Variants in SNX7 observed in about 807,000 individuals in gnomAD.
SNX7 encodes the protein sorting nexin 7, also known as sorting nexin-7.
In SNX7, 35 loss-of-function variants were observed where a neutral mutation model predicts 48.4. That is an observed-to-expected ratio of 0.72 (90% confidence interval 0.55 to 0.96). The LOEUF is 0.96. Among genes scored for constraint, SNX7 ranks in the 40% least tolerant of loss-of-function variants. The pLI is 0.00. For missense variants in SNX7, 553 were observed against 548.9 expected, an observed-to-expected ratio of 1.01 and a Z score of -0.07; for synonymous variants, 190 against 190.2, an observed-to-expected ratio of 1.00 and a Z score of 0.01.
chr1:98,676,310 T>C (rs1374894949), intron 1 of SNX7, among the ~76,000 whole-genome samples: 1 of 152,184 alleles, frequency 6.6e-6, no homozygotes, highest in Non-Finnish European at 1.5e-5. Flanking sequence ...CATTATACCC[T>C]CCCATAGAGA....
chr1:98,719,358 G>T (rs969880297), intron 7 of SNX7, among the ~76,000 whole-genome samples: 3 of 152,100 alleles, frequency 2.0e-5, no homozygotes, highest in African/African-American at 7.2e-5. Context: ...TCCACCCGCA[G>T]TCTTGTTAAG....
At chr1:98,692,924 T>C (rs1651226713) in intron 4 of SNX7, among the ~76,000 whole-genome samples, 1 of 152,214 alleles carries the variant, frequency 6.6e-6, no homozygotes, top group Non-Finnish European at 1.5e-5. Flanking sequence ...ATACATTTTG[T>C]GGATTCATGA....
rs1166083569 is a variant in SNX7, at chr1:98,695,530, C to G, written c.652C>G (p.His218Asp). ...TTTTTGTTTCTAGGAACTCTCTTCT[C>G]ACAAGAAGCAAGGTCCTGGCTTGCT... Reference protein sequence around the residue: ...LTAQAWELSSHKKQGPGLLSR... With the variant: ...LTAQAWELSSDKKQGPGLLSR... The change falls in exon 5 of 9, where the codon CAC becomes GAC. Residue 218 changes from histidine to aspartate, a missense_variant. His to Asp is a moderately conservative substitution (Grantham distance 81, BLOSUM62 -1). Coordinates refer to ENST00000306121, the MANE Select transcript of SNX7 (RefSeq NM_015976.5). The G allele has an allele frequency of 2.0e-5, 32 of 1,613,558 alleles. No homozygotes were observed. Among genetic ancestry groups the G allele is most frequent in the Non-Finnish European group, 2.6e-5 (31 of 1,179,888 alleles).
intron 1 of SNX7, among the ~76,000 whole-genome samples, chr1:98,683,503 A>G (rs937176174): frequency 1.3e-5 from 2 of 151,992 alleles, no homozygotes; most frequent in Admixed American, 6.6e-5. Context: ...TGGTGATTAG[A>G]TCATGAGCGT....
chr1:98,704,229 C>A (rs925750488), intron 7 of SNX7, among the ~76,000 whole-genome samples: 3 of 152,106 alleles, frequency 2.0e-5, no homozygotes, highest in Admixed American at 6.6e-5. Flanking sequence ...GTTTAATACC[C>A]ATGTAGCTGC....
chr1:98,692,255 GA>G (rs1651181820), intron 4 of SNX7, among the ~76,000 whole-genome samples: 1 of 151,974 alleles, frequency 6.6e-6, no homozygotes, highest in African/African-American at 2.4e-5. Flanking sequence ...GTAACCTAGA[GA>G]AAAGAAAATG....
In SNX7 at chr1:98,685,042, T is replaced by C. The variant is rs199755407; in HGVS notation, c.338T>C (p.Phe113Ser). ...AGTCATGTTACTACAATAGAAACTT[T>C]CATTACGTATAGGATTATTACTAAG... Reference protein sequence around the residue: ...PESHVTTIETFITYRIITKTS... With the variant: ...PESHVTTIETSITYRIITKTS... The change falls in exon 2 of 9, where the codon TTC becomes TCC. Residue 113 changes from phenylalanine to serine, a missense_variant. Phe to Ser is a radical substitution (Grantham distance 155, BLOSUM62 -2). Coordinates refer to ENST00000306121, the MANE Select transcript of SNX7 (RefSeq NM_015976.5). 3.8e-6 allele frequency: 6 copies of C among 1,563,790 alleles called. No homozygotes were observed. The highest frequency in any genetic ancestry group is 3.6e-5 in the Admixed American group (2 of 55,822).
chr1:98,722,129 G>A (rs957037163), intron 7 of SNX7, among the ~76,000 whole-genome samples: 33 of 152,078 alleles, frequency 2.2e-4, no homozygotes, highest in African/African-American at 7.5e-4. Context: ...GAAACGTGAT[G>A]CGTTAACTAC....
intron 2 of SNX7, among the ~76,000 whole-genome samples, chr1:98,686,628 G>A (rs567347709): frequency 6.6e-6 from 1 of 152,242 alleles, no homozygotes; most frequent in South Asian, 2.1e-4. Flanking sequence ...ATATCAAGAT[G>A]TGGTAGAGCA....
chr1:98,699,078 G>A (rs1293426804), intron 6 of SNX7, among the ~76,000 whole-genome samples, 173 bp downstream of exon 6: 1 of 152,098 alleles, frequency 6.6e-6, no homozygotes, highest in Admixed American at 6.6e-5. Flanking sequence ...ATGAAGGAAA[G>A]AATCCGTTGT....
At chr1:98,736,179 A>T (rs916792175) in intron 7 of SNX7, among the ~76,000 whole-genome samples, 1 of 152,228 alleles carries the variant, frequency 6.6e-6, no homozygotes, top group African/African-American at 2.4e-5. Flanking sequence ...CTGAAAGCCG[A>T]TATCAGTAGA....
chr1:98,705,513 G>A (rs1651963937), intron 7 of SNX7, among the ~76,000 whole-genome samples: 1 of 152,174 alleles, frequency 6.6e-6, no homozygotes, highest in Admixed American at 6.5e-5. Context: ...TAAGCACTCA[G>A]TAGCTTTTAG....
chr1:98,713,675 C>T (rs1652438277), intron 7 of SNX7, among the ~76,000 whole-genome samples: 1 of 152,054 alleles, frequency 6.6e-6, no homozygotes, highest in Non-Finnish European at 1.5e-5. Context: ...CACATAAAAG[C>T]CATTGTAGGG....
intron 8 of SNX7, among the ~76,000 whole-genome samples, chr1:98,740,587 C>T (rs1237391423): frequency 6.6e-6 from 1 of 151,950 alleles, no homozygotes; most frequent in Non-Finnish European, 1.5e-5. Context: ...ATAACAATTC[C>T]ACAGAATTTC....
At position 98,691,199 on chromosome 1, in the gene SNX7, AT is replaced by A. The variant is rs35340861; in HGVS notation, c.474+24del. The A allele has an allele frequency of 5.6e-4, 842 of 1,497,878 alleles. No individual in the cohort carries two copies. Among genetic ancestry groups the A allele is most frequent in the African/African-American group, 1.4e-3 (101 of 70,910 alleles). The allele number at this position is 1,497,878 out of a possible 1,614,324, so 92.8% of individuals were successfully genotyped here. ...CTGATTATTCCAGTAAGTTTGCAAAATTTTTTTTTTCATAGAATAGCTACCA... is the reference window on the plus strand; with the variant it reads ...CTGATTATTCCAGTAAGTTTGCAAAATTTTTTTTTCATAGAATAGCTACCA... On this transcript the variant is annotated intron_variant, in intron 3 of 8. Coordinates refer to ENST00000306121, the MANE Select transcript of SNX7 (RefSeq NM_015976.5).
At chr1:98,730,782 C>G (rs1340924829) in intron 7 of SNX7, among the ~76,000 whole-genome samples, 3 of 152,080 alleles carry the variant, frequency 2.0e-5, no homozygotes, top group African/African-American at 7.2e-5. Context: ...ACATTCCATA[C>G]TCATAGGTAG....
At chr1:98,680,450 A>G (rs1424526913) in intron 1 of SNX7, among the ~76,000 whole-genome samples, 2 of 152,176 alleles carry the variant, frequency 1.3e-5, no homozygotes, top group African/African-American at 4.8e-5. Flanking sequence ...CTTGTTACTT[A>G]TGCAAATTTC....
chr1:98,687,465 G>A (rs1650868202), intron 2 of SNX7, among the ~76,000 whole-genome samples: 1 of 151,756 alleles, frequency 6.6e-6, no homozygotes, highest in South Asian at 2.1e-4. Flanking sequence ...AATAGTACAT[G>A]TAGATCATGT....
intron 8 of SNX7, among the ~76,000 whole-genome samples, chr1:98,747,781 A>G (rs11166099): frequency 0.71 from 107,850 of 151,956 alleles, 39,772 homozygotes; most frequent in South Asian, 0.82. Flanking sequence ...TTATTTCTAA[A>G]GAAACTTTAG....
Sources: gnomAD v4.1 joint callset for allele counts (sites outside exome capture counted in the v4.1 genomes callset) on GRCh38, gnomAD v4.1.1 for gene constraint, MANE v1.5 for transcripts, NCBI Gene and HGNC (gene_info 2026-07-23, HGNC 2026-07-21) for gene names.